Variants in EDRF1 observed in about 807,000 individuals in gnomAD.
EDRF1 encodes erythroid differentiation-related factor 1.
In EDRF1, 69 loss-of-function variants were observed where a neutral mutation model predicts 148.7. The observed-to-expected ratio is 0.46, with a 90% confidence interval of 0.38 to 0.57. EDRF1 has a LOEUF of 0.57. Among genes scored for constraint, EDRF1 ranks in the 20% least tolerant of loss-of-function variants. The pLI is 0.00. For missense variants in EDRF1, 1,118 were observed against 1,478.7 expected, an observed-to-expected ratio of 0.76 and a Z score of 4.00; for synonymous variants, 515 against 532.8, an observed-to-expected ratio of 0.97 and a Z score of 0.46.
rs1383834504 is a variant in EDRF1, at chr10:125,757,893, G to A, written c.3545+4048G>A. 3.3e-5 allele frequency among the ~76,000 whole-genome samples: 5 copies of A among 152,152 alleles called. No homozygotes were observed. The East Asian group carries it at 9.6e-4, about 29-fold the overall frequency. On this transcript the variant is annotated intron_variant, in intron 24 of 24. Transcript: ENST00000356792. ...ACTATGATAGGCTTGAGTGTGTCGT[G>A]ATGGCTTTTACCTCTGGCTTCAGCA...
At chr10:125,738,049 C>T in intron 14 of EDRF1, 60 bp downstream of exon 14, 1 of 1,519,436 alleles carries the variant, frequency 6.6e-7, no homozygotes, top group Non-Finnish European at 9.1e-7. Context: ...ATGCAAATTA[C>T]ACTTGTTTGT....
intron 24 of EDRF1, among the ~76,000 whole-genome samples, chr10:125,757,704 A>G (rs1304544414): frequency 1.3e-5 from 2 of 152,112 alleles, no homozygotes; most frequent in African/African-American, 4.8e-5. Flanking sequence ...CAGAGTATAG[A>G]ATTCTGGGTT....
In EDRF1 at chr10:125,749,492, G is replaced by A. The variant is rs754674846; in HGVS notation, c.3204G>A (p.Leu1068=). 1 of 1,614,082 alleles carries A rather than the reference G, an allele frequency of 6.2e-7. No individual in the cohort carries two copies. The highest frequency in any genetic ancestry group is 1.3e-5 in the African/African-American group (1 of 74,940). Residue 1068 remains leucine (L), a synonymous_variant, in exon 22 of 25, where the codon CTG becomes CTA. Coordinates refer to ENST00000356792, the MANE Select transcript of EDRF1 (RefSeq NM_001202438.2). ...HYSKAAKLFQ[L]LKDAPCELLR... ...GCAAGGCCGCAAAGCTGTTTCAGCT[G>A]CTGAAAGATGCTCCCTGCGAACTGC...
intron 6 of EDRF1, among the ~76,000 whole-genome samples, chr10:125,727,187 AGTACTCCACTGTGTCCGT>A (rs1848297147): frequency 6.6e-6 from 1 of 152,218 alleles, no homozygotes; most frequent in Non-Finnish European, 1.5e-5. Context: ...TTCCTCCAGC[AGTACTCCACTGTGTCCGT>A]GTACTCCACA....
Position 125,763,830 on chromosome 10 carries a change from G to T in EDRF1, c.*358G>T, listed in dbSNP as rs1850295767. ...ATTATTTTGGATAAAATGTTACTTTGGTCAAGAGAACTTTTATCCAGATGA... is the reference window on the plus strand; with the variant it reads ...ATTATTTTGGATAAAATGTTACTTTTGTCAAGAGAACTTTTATCCAGATGA... On this transcript the variant is annotated 3_prime_UTR_variant, in exon 25 of 25. Transcript: ENST00000356792. The surrounding 1 kb of genome is among the most constrained non-coding windows in gnomAD (Gnocchi z 4.3). The T allele has an allele frequency of 3.3e-6, 1 of 302,350 alleles. No homozygotes were observed. Among genetic ancestry groups the T allele is most frequent in the Non-Finnish European group, 6.4e-6 (1 of 157,382 alleles). 18.7% of individuals were successfully genotyped at this position (302,350 alleles called of 1,614,324 possible). A position where few individuals can be genotyped will look rare whatever the true frequency, so the allele number is the denominator to read the frequency against.
chr10:125,763,557 A>C lies in EDRF1; in HGVS notation c.*85A>C. On this transcript the variant is annotated 3_prime_UTR_variant, in exon 25 of 25. Coordinates refer to ENST00000356792, the MANE Select transcript of EDRF1 (RefSeq NM_001202438.2). The surrounding 1 kb of genome is among the most constrained non-coding windows in gnomAD (Gnocchi z 4.3). Reference sequence around the variant, plus strand: ...CATTCGGTGCTTTGTTTCATTAAATAATAGGGAAATATCCATTTAAAACAG... The same window carrying C: ...CATTCGGTGCTTTGTTTCATTAAATCATAGGGAAATATCCATTTAAAACAG... 3.6e-6 allele frequency: 5 copies of C among 1,389,370 alleles called. No homozygotes were observed. The highest frequency in any genetic ancestry group is 4.0e-6 in the Non-Finnish European group (4 of 1,010,328). The allele number at this position is 1,389,370 out of a possible 1,614,324, so 86.1% of individuals were successfully genotyped here.
chr10:125,729,189 G>A (rs1234489731), intron 7 of EDRF1, 85 bp downstream of exon 7: 11 of 1,464,854 alleles, frequency 7.5e-6, no homozygotes, highest in East Asian at 2.5e-5. Flanking sequence ...AAATTGATAG[G>A]GAAAAACTCC....
intron 12 of EDRF1, among the ~76,000 whole-genome samples, chr10:125,735,395 C>T (rs1157654364): frequency 6.6e-6 from 1 of 152,016 alleles, no homozygotes; most frequent in Non-Finnish European, 1.5e-5. Context: ...TCAGTTGACA[C>T]CTTTTAAGAG....
At chr10:125,747,153 C>G (rs1405467693) in intron 19 of EDRF1, 4 of 203,162 alleles carry the variant, frequency 2.0e-5, no homozygotes, top group Non-Finnish European at 4.0e-5. Context: ...GGAGGAGATA[C>G]TTCTTTTTAC....
rs1849329991 is a variant in EDRF1, at chr10:125,745,914, G to C, written c.2798G>C (p.Gly933Ala). The change falls in exon 19 of 25, where the codon GGC becomes GCC. Residue 933 changes from glycine (G) to alanine (A), a missense_variant. Coordinates refer to ENST00000356792, the MANE Select transcript of EDRF1 (RefSeq NM_001202438.2). ...AAACGTGAATTTTCACCAGAAGAAG[G>C]CTTGTATTATAATAAGGTAACACAT... ...ELKREFSPEE[G>A]LYYNKAIDYY... 3 of 1,614,046 alleles carry C rather than the reference G, an allele frequency of 1.9e-6. No individual in the cohort carries two copies. Among genetic ancestry groups the C allele is most frequent in the African/African-American group, 2.7e-5 (2 of 74,914 alleles).
At chr10:125,752,278 A>G (rs932874869) in intron 22 of EDRF1, among the ~76,000 whole-genome samples, 4 of 152,260 alleles carry the variant, frequency 2.6e-5, no homozygotes, top group Non-Finnish European at 5.9e-5. Flanking sequence ...CACACCGCAC[A>G]CAATTGAGTT....
At chr10:125,726,673 C>A (rs1365381978) in intron 6 of EDRF1, among the ~76,000 whole-genome samples, 1 of 152,156 alleles carries the variant, frequency 6.6e-6, no homozygotes, top group African/African-American at 2.4e-5. Context: ...ACATTTAACT[C>A]GATTTTAGTT....
intron 11 of EDRF1, 100 bp from the exon 12 acceptor site, chr10:125,733,972 T>A: frequency 9.5e-7 from 1 of 1,053,134 alleles, no homozygotes; most frequent in Admixed American, 1.9e-5. Context: ...TTGTTGTTTC[T>A]TATAGCTCTT....
At position 125,745,874 on chromosome 10, in the gene EDRF1, G is replaced by A. The variant is rs761653839; in HGVS notation, c.2758G>A (p.Ala920Thr). The A allele has an allele frequency of 3.1e-6, 5 of 1,614,234 alleles. No homozygotes were observed. The East Asian group carries it at 1.1e-4, about 36-fold the overall frequency. The change falls in exon 19 of 25, where the codon GCA becomes ACA. Residue 920 changes from alanine (A) to threonine (T), a missense_variant. Physicochemically the swap from Ala to Thr is moderately conservative, Grantham distance 58 (BLOSUM62 0). Transcript: ENST00000356792. ...MRICAQAHCG[A>T]GDELKREFSP... ...GATTTGTGCGCAGGCCCACTGTGGTGCAGGGGATGAACTGAAACGTGAATT... is the reference window on the plus strand; with the variant it reads ...GATTTGTGCGCAGGCCCACTGTGGTACAGGGGATGAACTGAAACGTGAATT...
At chr10:125,755,624 G>C (rs1265192044) in intron 24 of EDRF1, among the ~76,000 whole-genome samples, 1 of 152,178 alleles carries the variant, frequency 6.6e-6, no homozygotes, top group Non-Finnish European at 1.5e-5. Context: ...TCTTAACCTG[G>C]AGTTTACTTT....
At chr10:125,738,812 A>C (rs1386932590) in intron 15 of EDRF1, among the ~76,000 whole-genome samples, 1 of 152,148 alleles carries the variant, frequency 6.6e-6, no homozygotes, top group Non-Finnish European at 1.5e-5. Context: ...GTCACTTTTT[A>C]TCTCTTTCAA....
At position 125,763,797 on chromosome 10, in the gene EDRF1, A is replaced by C. The variant is rs1850294525; in HGVS notation, c.*325A>C. The C allele has an allele frequency of 2.8e-6, 1 of 362,196 alleles. No homozygotes were observed. Among genetic ancestry groups the C allele is most frequent in the South Asian group, 2.7e-5 (1 of 37,466 alleles). The allele number at this position is 362,196 out of a possible 1,614,324, so 22.4% of individuals were successfully genotyped here. ...GAAGTATGTCAAGCTACACGGGTCT[A>C]AGATATGATTATTTTGGATAAAATG... On this transcript the variant is annotated 3_prime_UTR_variant, in exon 25 of 25. Coordinates refer to ENST00000356792, the MANE Select transcript of EDRF1 (RefSeq NM_001202438.2). The surrounding 1 kb of genome is among the most constrained non-coding windows in gnomAD (Gnocchi z 4.3).
intron 13 of EDRF1, among the ~76,000 whole-genome samples, chr10:125,737,407 G>A (rs566710481): frequency 1.3e-5 from 2 of 152,232 alleles, no homozygotes; most frequent in South Asian, 2.1e-4. Context: ...CTCACTCACC[G>A]TGTCCTCAGA....
chr10:125,745,615 A>G, intron 18 of EDRF1, 92 bp from the exon 19 acceptor site: 1 of 1,342,158 alleles, frequency 7.5e-7, no homozygotes, highest in Non-Finnish European at 1.0e-6. Flanking sequence ...CACTCCTGTC[A>G]CTGCCATCCT....
Sources: allele counts gnomAD v4.1 joint callset (sites outside exome capture counted in the v4.1 genomes callset), GRCh38; gene constraint gnomAD v4.1.1; non-coding constraint Gnocchi (gnomAD v3.1); transcripts MANE v1.5; gene names NCBI Gene and HGNC (gene_info 2026-07-23, HGNC 2026-07-21).